RAB3C: variants seen among roughly 807,000 people sequenced by gnomAD.
RAB3C encodes the protein RAB3C, member RAS oncogene family.
A neutral mutation model predicts 26.4 loss-of-function variants in RAB3C; 17 were observed. The ratio of observed to expected loss-of-function variants is 0.64; its 90% CI spans 0.44 to 0.97. The LOEUF is 0.97. Ranked by LOEUF, RAB3C falls within the 50% of genes least tolerant of loss-of-function variation. The pLI is 0.00. For missense variants in RAB3C, 242 were observed against 281.9 expected (o/e 0.86, Z 1.01); for synonymous variants, 91 against 95.9 (o/e 0.95, Z 0.30).
chr5:58,653,470 A>C (rs1246473857), intron 2 of RAB3C, among the ~76,000 whole-genome samples: 1 of 152,196 alleles, frequency 6.6e-6, no homozygotes, highest in Non-Finnish European at 1.5e-5. Flanking sequence ...AGGATTATAA[A>C]TCATTCTACT....
intron 3 of RAB3C, among the ~76,000 whole-genome samples, chr5:58,821,951 T>C (rs1271898870): frequency 3.3e-5 from 5 of 152,240 alleles, no homozygotes; most frequent in Admixed American, 3.3e-4. Flanking sequence ...GACTATTGTT[T>C]GTAACACCAT....
chr5:58,833,324 T>TCACACACACACACACACACACA (rs571940681), intron 4 of RAB3C, among the ~76,000 whole-genome samples: 96 of 141,146 alleles, frequency 6.8e-4, no homozygotes, highest in Non-Finnish European at 1.1e-3. Context: ...ACGGACCCCA[T>TCACACACACACACACACACACA]CACACACACA....
chr5:58,673,136 G>T (rs1239258448), intron 2 of RAB3C, among the ~76,000 whole-genome samples: 3 of 152,090 alleles, frequency 2.0e-5, no homozygotes, highest in Admixed American at 2.0e-4. Context: ...CTAGGCATTA[G>T]GCAAGGTGCT....
chr5:58,734,766 C>T (rs1741099892), intron 3 of RAB3C, among the ~76,000 whole-genome samples: 2 of 152,136 alleles, frequency 1.3e-5, no homozygotes, highest in Admixed American at 1.3e-4. Context: ...CCCAGTTCTT[C>T]AAAAAATACT....
intron 1 of RAB3C, among the ~76,000 whole-genome samples, chr5:58,602,421 T>C (rs1432883702): frequency 6.6e-6 from 1 of 152,224 alleles, no homozygotes; most frequent in African/African-American, 2.4e-5. Context: ...TCTGTCTTGA[T>C]GACCTGTCTA....
chr5:58,797,972 G>A (rs536498247), intron 3 of RAB3C, among the ~76,000 whole-genome samples: 1 of 152,286 alleles, frequency 6.6e-6, no homozygotes, highest in Non-Finnish European at 1.5e-5. Flanking sequence ...CCAGGCATGT[G>A]TCAAGAGTTT....
intron 1 of RAB3C, among the ~76,000 whole-genome samples, chr5:58,614,141 A>G (rs1209023945): frequency 2.0e-5 from 3 of 152,040 alleles, no homozygotes; most frequent in African/African-American, 4.8e-5. Flanking sequence ...TTATTTTTGT[A>G]TATCTTTTAT....
intron 2 of RAB3C, among the ~76,000 whole-genome samples, chr5:58,619,886 A>T (rs1354738046): frequency 3.3e-5 from 5 of 150,912 alleles, no homozygotes; most frequent in African/African-American, 1.2e-4. Flanking sequence ...GCATTGAAAT[A>T]AGTTATTTAT....
At chr5:58,838,248 C>T (rs575994979) in intron 4 of RAB3C, among the ~76,000 whole-genome samples, 5 of 151,848 alleles carry the variant, frequency 3.3e-5, no homozygotes, top group Admixed American at 1.3e-4. Context: ...GGCGTGGTGG[C>T]GGGCGCCTGT....
intron 1 of RAB3C, among the ~76,000 whole-genome samples, chr5:58,613,243 C>T (rs1432588994): frequency 2.6e-5 from 4 of 152,062 alleles, no homozygotes; most frequent in South Asian, 4.1e-4. Context: ...CAAGGCCTAC[C>T]TGGAGCAACA....
intron 2 of RAB3C, among the ~76,000 whole-genome samples, chr5:58,720,584 A>G (rs1216390290): frequency 6.6e-6 from 1 of 151,774 alleles, no homozygotes; most frequent in East Asian, 1.9e-4. Flanking sequence ...TTTGTCTTGG[A>G]TTACACTGTT....
chr5:58,778,428 C>T (rs968858112), intron 3 of RAB3C, among the ~76,000 whole-genome samples: 21 of 152,202 alleles, frequency 1.4e-4, no homozygotes, highest in African/African-American at 4.8e-5. Context: ...TTGTTTCTTC[C>T]ACTTCATCTT....
intron 1 of RAB3C, among the ~76,000 whole-genome samples, chr5:58,584,032 G>A (rs1048821871): frequency 6.6e-6 from 1 of 152,270 alleles, no homozygotes. Flanking sequence ...ACCAGTTAAC[G>A]TTAAACATCA....
At position 58,851,479 on chromosome 5, in the gene RAB3C, C is replaced by T. The variant is rs1237226795; in HGVS notation, c.*128C>T. 2 of 667,100 alleles carry T rather than the reference C, an allele frequency of 3.0e-6. No individual in the cohort carries two copies. Among genetic ancestry groups the T allele is most frequent in the East Asian group, 3.0e-5 (1 of 33,254 alleles). The allele number at this position is 667,100 out of a possible 1,614,324, so 41.3% of individuals were successfully genotyped here. A position where few individuals can be genotyped will look rare whatever the true frequency, so the allele number is the denominator to read the frequency against. ...AAGGAATAAATTGATGTCAATGGCT[C>T]GTACGCATTCAATTCTTGGGAGCTT... is the stretch of plus-strand genomic sequence containing the variant. On this transcript the variant is annotated 3_prime_UTR_variant, in exon 5 of 5. Transcript: ENST00000282878.
chr5:58,702,977 G>A (rs542377380), intron 2 of RAB3C, among the ~76,000 whole-genome samples: 27 of 152,026 alleles, frequency 1.8e-4, no homozygotes, highest in South Asian at 1.7e-3. Context: ...AATTTTTGAC[G>A]GAAAAATACA....
intron 2 of RAB3C, among the ~76,000 whole-genome samples, chr5:58,628,250 AAG>A (rs1207743331): frequency 6.6e-6 from 1 of 152,140 alleles, no homozygotes; most frequent in Non-Finnish European, 1.5e-5. Context: ...TAAAATAAAA[AAG>A]AGTTGAAGTA....
intron 2 of RAB3C, among the ~76,000 whole-genome samples, chr5:58,642,906 C>T (rs1339832982): frequency 6.6e-6 from 1 of 152,118 alleles, no homozygotes; most frequent in African/African-American, 2.4e-5. Flanking sequence ...GTTGTGGCCA[C>T]ACAGAGGCAA....
chr5:58,650,717 G>C (rs577700178), intron 2 of RAB3C, among the ~76,000 whole-genome samples: 29 of 152,224 alleles, frequency 1.9e-4, no homozygotes, highest in Admixed American at 7.2e-4. Flanking sequence ...ATCTCTAAAG[G>C]TGTATCTGCA....
chr5:58,649,373 T>C (rs1206341333), intron 2 of RAB3C, among the ~76,000 whole-genome samples: 1 of 152,068 alleles, frequency 6.6e-6, no homozygotes, highest in East Asian at 1.9e-4. Flanking sequence ...CCAAACTCAC[T>C]GGCACTAACT....
Sources: allele counts gnomAD v4.1 joint callset (sites outside exome capture counted in the v4.1 genomes callset), GRCh38; gene constraint gnomAD v4.1.1; transcripts MANE v1.5; gene names NCBI Gene and HGNC (gene_info 2026-07-23, HGNC 2026-07-21).